The following SAMMSON variants were observed in gnomAD, a reference collection of about 807,000 sequenced individuals.
SAMMSON encodes long intergenic non-protein coding RNA 1212.
intron 9 of SAMMSON, among the ~76,000 whole-genome samples, chr3:70,363,774 T>C (rs1331808111): frequency 6.7e-6 from 1 of 149,894 alleles, no homozygotes; most frequent in African/African-American, 2.5e-5. Context: ...TTAAAGCTGT[T>C]TTTTACAGTT....
intron 4 of SAMMSON, among the ~76,000 whole-genome samples, chr3:70,169,577 CT>C (rs2067653240): frequency 6.6e-6 from 1 of 151,354 alleles, no homozygotes; most frequent in African/African-American, 2.4e-5. Flanking sequence ...AGGTTCCTTG[CT>C]TTCAAAAGAA....
chr3:70,035,675 T>A (rs992715189), intron 3 of SAMMSON, among the ~76,000 whole-genome samples: 2 of 152,186 alleles, frequency 1.3e-5, no homozygotes, highest in Admixed American at 1.3e-4. Flanking sequence ...TTCTGCTGAT[T>A]CTGCATTCCA....
chr3:70,377,511 TA>T (rs1474052674), intron 9 of SAMMSON, among the ~76,000 whole-genome samples: 5 of 152,094 alleles, frequency 3.3e-5, no homozygotes, highest in African/African-American at 1.2e-4. Context: ...GGTAAAAGAT[TA>T]AATTTTTTTA....
intron 4 of SAMMSON, among the ~76,000 whole-genome samples, chr3:70,122,132 C>G (rs2067437156): frequency 6.6e-6 from 1 of 152,160 alleles, no homozygotes; most frequent in Non-Finnish European, 1.5e-5. Flanking sequence ...TTTATTTTCA[C>G]TAATACTATG....
At chr3:70,036,053 C>G (rs2067084024) in intron 3 of SAMMSON, among the ~76,000 whole-genome samples, 1 of 152,056 alleles carries the variant, frequency 6.6e-6, no homozygotes, top group Non-Finnish European at 1.5e-5. Flanking sequence ...GGCTTACAGT[C>G]AGATAAAATG....
At chr3:70,096,101 C>T (rs1196181589) in intron 4 of SAMMSON, 1 of 152,212 alleles carries the variant, frequency 6.6e-6, no homozygotes. Context: ...CTTCCTCTAA[C>T]CTCACATGGT....
chr3:70,237,520 A>G (rs1055847021), intron 4 of SAMMSON, among the ~76,000 whole-genome samples: 2 of 152,198 alleles, frequency 1.3e-5, no homozygotes, highest in African/African-American at 2.4e-5. Flanking sequence ...CCATCATGCT[A>G]TGCTAAAATT....
chr3:70,290,519 C>T (rs1276551383), intron 6 of SAMMSON, among the ~76,000 whole-genome samples: 1 of 152,214 alleles, frequency 6.6e-6, no homozygotes, highest in Admixed American at 6.5e-5. Context: ...TTTTGTTTGT[C>T]TGTGCCCTGC....
chr3:70,381,981 T>C (rs147112372), intron 9 of SAMMSON, among the ~76,000 whole-genome samples: 19 of 152,266 alleles, frequency 1.2e-4, no homozygotes, highest in African/African-American at 4.6e-4. Context: ...GCTAATCTTG[T>C]TAGGTGTAAT....
At chr3:70,286,932 G>T (rs866651552) in intron 6 of SAMMSON, among the ~76,000 whole-genome samples, 1 of 151,514 alleles carries the variant, frequency 6.6e-6, no homozygotes, top group African/African-American at 2.4e-5. Context: ...TGCTGAAGTT[G>T]CTTATCAGCT....
chr3:70,071,959 C>A (rs746459767), intron 4 of SAMMSON: 1 of 151,540 alleles, frequency 6.6e-6, no homozygotes, highest in Non-Finnish European at 1.5e-5. Flanking sequence ...GCATTTAGAC[C>A]GCCACGTTGT....
In SAMMSON at chr3:70,340,056, A is replaced by G. The variant is rs569006050; in HGVS notation, n.740-14119A>G. On this transcript the variant is annotated intron_variant and non_coding_transcript_variant, in intron 7 of 9. Transcript: ENST00000642114. Reference sequence around the variant, plus strand: ...TAAGAAAATGTGGCACATATACACCATGGAATACTATGCAGCCATAAAAAA... The same window carrying G: ...TAAGAAAATGTGGCACATATACACCGTGGAATACTATGCAGCCATAAAAAA... 1.1e-3 allele frequency among the ~76,000 whole-genome samples: 172 copies of G among 152,178 alleles called. 1 individual carries two copies. The highest frequency in any genetic ancestry group is 3.1e-3 in the South Asian group (15 of 4,818).
chr3:70,176,321 C>T (rs1457497929), intron 4 of SAMMSON, among the ~76,000 whole-genome samples: 3 of 152,160 alleles, frequency 2.0e-5, no homozygotes, highest in Admixed American at 1.3e-4. Flanking sequence ...GAAGGAAACC[C>T]CATAAGCCTC....
At chr3:70,079,840 C>T (rs543801927) in intron 4 of SAMMSON, among the ~76,000 whole-genome samples, 1 of 152,290 alleles carries the variant, frequency 6.6e-6, no homozygotes, top group African/African-American at 2.4e-5. Flanking sequence ...CATCTGGAGC[C>T]TCTTTAACCA....
At chr3:70,399,866 AC>A (rs367747275) in intron 2 of SAMMSON, among the ~76,000 whole-genome samples, 1 of 149,946 alleles carries the variant, frequency 6.7e-6, no homozygotes. Flanking sequence ...AAAAAAAAAA[AC>A]AAAAAAAAAA....
At position 70,125,879 on chromosome 3, in the gene SAMMSON, C is replaced by T. The variant is rs556573414; in HGVS notation, n.507+54314C>T. On this transcript the variant is annotated intron_variant and non_coding_transcript_variant, in intron 4 of 9. Transcript: ENST00000642114. ...TGTTGGTCCTCATCATCACTGCTGTCATCTTCTAATTCTTCACTAGATAAT... is the reference window on the plus strand; with the variant it reads ...TGTTGGTCCTCATCATCACTGCTGTTATCTTCTAATTCTTCACTAGATAAT... The T allele has an allele frequency of 5.4e-5, 37 of 686,500 alleles. No individual in the cohort carries two copies. In the South Asian group the frequency reaches 5.5e-4, roughly 10 times the overall value. The allele number at this position is 686,500 out of a possible 1,614,324, so 42.5% of individuals were successfully genotyped here.
intron 9 of SAMMSON, among the ~76,000 whole-genome samples, chr3:70,363,831 T>C (rs1559573081): frequency 7.0e-6 from 1 of 142,420 alleles, no homozygotes; most frequent in African/African-American, 2.6e-5. Context: ...TGTGTGTGCA[T>C]GACAGAGAGA....
chr3:70,293,483 C>G (rs1360734033), intron 7 of SAMMSON, among the ~76,000 whole-genome samples: 2 of 151,916 alleles, frequency 1.3e-5, no homozygotes, highest in African/African-American at 2.4e-5. Flanking sequence ...AAATCACAGG[C>G]GATGCTGATC....
At chr3:70,160,551 A>G (rs1392468424) in intron 4 of SAMMSON, among the ~76,000 whole-genome samples, 1 of 152,098 alleles carries the variant, frequency 6.6e-6, no homozygotes. Context: ...TTTGATCCAT[A>G]TGTCTGTCCT....
Sources: allele counts gnomAD v4.1 joint callset (sites outside exome capture counted in the v4.1 genomes callset), GRCh38; gene constraint gnomAD v4.1.1; transcripts MANE v1.5; gene names NCBI Gene and HGNC (gene_info 2026-07-23, HGNC 2026-07-21).